NXPE2: variants seen among roughly 807,000 people sequenced by gnomAD.
The protein encoded by NXPE2 is neurexophilin and PC-esterase domain family member 2.
A neutral mutation model predicts 34.4 loss-of-function variants in NXPE2; 34 were observed. That is an observed-to-expected ratio of 0.99 (90% confidence interval 0.75 to 1.31). The LOEUF is 1.31. Ranked by LOEUF, NXPE2 falls within the 40% of genes most tolerant of loss-of-function variation. The pLI is 0.00. For missense variants in NXPE2, 649 were observed against 672.5 expected (o/e 0.97, Z 0.39); for synonymous variants, 235 against 231.3 (o/e 1.02, Z -0.15).
chr11:114,717,664 G>C, the NXPE2 span, among the ~76,000 whole-genome samples: 1 of 152,226 alleles, frequency 6.6e-6, no homozygotes, highest in Admixed American at 6.5e-5. Flanking sequence ...TTTGGGAATA[G>C]TAAGAGCAGG....
the NXPE2 span, among the ~76,000 whole-genome samples, chr11:114,762,604 G>A: frequency 6.6e-6 from 1 of 152,182 alleles, no homozygotes; most frequent in East Asian, 1.9e-4. Flanking sequence ...AGATGGGGAA[G>A]TTGGGCTTGC....
chr11:114,558,794 A>G, the NXPE2 span, among the ~76,000 whole-genome samples: 2 of 152,208 alleles, frequency 1.3e-5, no homozygotes, highest in Non-Finnish European at 2.9e-5. Flanking sequence ...GTTTGTGTTT[A>G]TCTATGCCCT....
chr11:114,773,288 C>CCCCG, the NXPE2 span, among the ~76,000 whole-genome samples: 9,495 of 95,504 alleles, frequency 0.099, 822 homozygotes, highest in East Asian at 0.31. Context: ...CACCCCCCCC[C>CCCCG]CACCCCATTC....
chr11:114,489,746 G>A, the NXPE2 span, among the ~76,000 whole-genome samples: 51 of 152,184 alleles, frequency 3.4e-4, no homozygotes, highest in Non-Finnish European at 7.1e-4. Flanking sequence ...CCCACAGCCA[G>A]TGTCATACTG....
chr11:114,786,355 ACCCCCGC>A, the NXPE2 span, among the ~76,000 whole-genome samples: 7 of 127,216 alleles, frequency 5.5e-5, no homozygotes, highest in Middle Eastern at 3.6e-3. Flanking sequence ...AGATCTTTCT[ACCCCCGC>A]CCCCCGCCCC....
At chr11:114,642,793 T>C in the NXPE2 span, among the ~76,000 whole-genome samples, 1 of 152,084 alleles carries the variant, frequency 6.6e-6, no homozygotes, top group South Asian at 2.1e-4. Flanking sequence ...CTGGGCTTGC[T>C]GGGTCAAATG....
chr11:114,710,096 A>C (rs1410677721), downstream of NXPE2, among the ~76,000 whole-genome samples: 1 of 152,168 alleles, frequency 6.6e-6, no homozygotes, highest in Non-Finnish European at 1.5e-5. Flanking sequence ...ATGCAGTAAA[A>C]GTGGCAATAA....
Position 114,698,749 on chromosome 11 carries a change from T to C in NXPE2, c.837T>C (p.Leu279=). The C allele has an allele frequency of 6.3e-7, 1 of 1,588,442 alleles. No individual in the cohort carries two copies. The change falls in exon 3 of 6, where the codon CTT becomes CTC. Residue 279 remains leucine (L), a synonymous_variant. Transcript: ENST00000389586. ...CTAGGACAAGAAATATTTCCTATCT[T>C]AGCAAGGAAGAATGGAGGCTTTTCC... The part of the protein sequence containing the change: ...MTTRTRNISY[L]SKEEWRLFHR...
At chr11:114,637,857 T>G in the NXPE2 span, among the ~76,000 whole-genome samples, 1 of 152,060 alleles carries the variant, frequency 6.6e-6, no homozygotes, top group South Asian at 2.1e-4. Context: ...GGGCTTCCCT[T>G]TGAGGGTAAC....
chr11:114,601,972 T>A, the NXPE2 span, among the ~76,000 whole-genome samples: 1 of 86,634 alleles, frequency 1.2e-5, no homozygotes, highest in African/African-American at 4.7e-5. Flanking sequence ...ATATTATATA[T>A]TCTGTTATAT....
At chr11:114,617,926 C>G in the NXPE2 span, among the ~76,000 whole-genome samples, 2 of 152,012 alleles carry the variant, frequency 1.3e-5, no homozygotes, top group Non-Finnish European at 2.9e-5. Flanking sequence ...CCACTGTAAT[C>G]TGCTGCATAA....
At chr11:114,738,886 T>C in the NXPE2 span, among the ~76,000 whole-genome samples, 2 of 152,224 alleles carry the variant, frequency 1.3e-5, no homozygotes, top group East Asian at 1.9e-4. Flanking sequence ...GAATATTTTA[T>C]GATTGTTATT....
the NXPE2 span, among the ~76,000 whole-genome samples, chr11:114,654,236 G>A: frequency 6.6e-6 from 1 of 151,982 alleles, no homozygotes; most frequent in African/African-American, 2.4e-5. Context: ...CACATCCAAA[G>A]CCCCTCAGGA....
intron 1 of NXPE2, among the ~76,000 whole-genome samples, chr11:114,679,250 G>A (rs1482277219): frequency 3.2e-3 from 12 of 3,730 alleles, no homozygotes; most frequent in Admixed American, 7.8e-3. Context: ...GTGTGTGCGT[G>A]TGTGTGTGTG....
At chr11:114,541,212 A>G in the NXPE2 span, among the ~76,000 whole-genome samples, 1 of 152,152 alleles carries the variant, frequency 6.6e-6, no homozygotes, top group Non-Finnish European at 1.5e-5. Context: ...CCACAACATA[A>G]CAGTCACAAT....
chr11:114,580,281 C>A, the NXPE2 span: 1 of 1,614,070 alleles, frequency 6.2e-7, no homozygotes. Context: ...GACATGCCCA[C>A]TGGGGATTGT....
chr11:114,757,937 A>C, the NXPE2 span, among the ~76,000 whole-genome samples: 9 of 152,170 alleles, frequency 5.9e-5, no homozygotes, highest in Non-Finnish European at 1.2e-4. Context: ...TTTATTGGGG[A>C]GGAAATATAG....
chr11:114,632,733 A>G, the NXPE2 span, among the ~76,000 whole-genome samples: 2 of 59,650 alleles, frequency 3.4e-5, no homozygotes, highest in Non-Finnish European at 5.9e-5. Flanking sequence ...AATATATAAT[A>G]TATATAAAAT....
chr11:114,775,187 TCTTC>T, the NXPE2 span, among the ~76,000 whole-genome samples: 1 of 152,198 alleles, frequency 6.6e-6, no homozygotes, highest in African/African-American at 2.4e-5. Flanking sequence ...CTTGTCGCTG[TCTTC>T]CTTCCTCCAG....
Sources: gnomAD v4.1 joint callset for allele counts (sites outside exome capture counted in the v4.1 genomes callset) on GRCh38, gnomAD v4.1.1 for gene constraint, MANE v1.5 for transcripts, NCBI Gene and HGNC (gene_info 2026-07-23, HGNC 2026-07-21) for gene names.